OPN3: variants seen among roughly 807,000 people sequenced by gnomAD.
The protein encoded by OPN3 is opsin 3.
In OPN3, 29 loss-of-function variants were observed where a neutral mutation model predicts 33.8. That is an observed-to-expected ratio of 0.86 (90% CI 0.64 to 1.17). The LOEUF is 1.17. Ranked by LOEUF, OPN3 falls within the 50% of genes most tolerant of loss-of-function variation. OPN3 has a pLI of 0.00. For synonymous variants in OPN3, 216 were observed against 216.1 expected, an observed-to-expected ratio of 1.00 and a Z score of 0.00; for missense variants, 437 against 514.1, an observed-to-expected ratio of 0.85 and a Z score of 1.45.
intron 1 of OPN3, among the ~76,000 whole-genome samples, chr1:241,620,647 T>C (rs1276514512): frequency 6.6e-6 from 1 of 152,248 alleles, no homozygotes; most frequent in Non-Finnish European, 1.5e-5. Context: ...CACTTTAGGG[T>C]ATTTTGTTAT....
chr1:241,634,518 G>A (rs777886665), intron 1 of OPN3: 10 of 1,613,630 alleles, frequency 6.2e-6, no homozygotes, highest in African/African-American at 4.0e-5. Flanking sequence ...GCTTTACATC[G>A]TCCAGATTCT....
chr1:241,639,982 G>C lies in OPN3; in HGVS notation c.273C>G (p.Ser91=), dbSNP rs781302705. ...VNISLSDLLV[S]LFGVTFTFVS... ...CGAAGGTAAAGGTGACCCCGAAGAG[G>C]GACACCAGCAGGTCGCTGAGGCTGA... is the stretch of plus-strand genomic sequence containing the variant. The change falls in exon 1 of 4, where the codon TCC becomes TCG. Residue 91 remains serine, a synonymous_variant. Coordinates refer to ENST00000366554, the MANE Select transcript of OPN3 (RefSeq NM_014322.3). The C allele has an allele frequency of 2.5e-6, 4 of 1,612,572 alleles. No individual in the cohort carries two copies. The highest frequency in any genetic ancestry group is 3.4e-6 in the Non-Finnish European group (4 of 1,179,432).
intron 1 of OPN3, among the ~76,000 whole-genome samples, chr1:241,627,922 C>T (rs1318809890): frequency 1.3e-5 from 2 of 152,112 alleles, no homozygotes; most frequent in Non-Finnish European, 2.9e-5. Context: ...TTTCTTTATA[C>T]TTCCTCTCCC....
chr1:241,612,252 A>G (rs997088865), intron 1 of OPN3, among the ~76,000 whole-genome samples: 13 of 152,220 alleles, frequency 8.5e-5, no homozygotes, highest in African/African-American at 2.9e-4. Context: ...TGTGGTCTTC[A>G]GAGTTGGCTG....
In OPN3 at chr1:241,634,259, T is replaced by G. The variant is rs750858068; in HGVS notation, c.373+5623A>C. On this transcript the variant is annotated intron_variant, in intron 1 of 3. Coordinates refer to ENST00000366554, the MANE Select transcript of OPN3 (RefSeq NM_014322.3). ...TGTCAAATGTACCAGATAGGTGTCCTTCATGCATGTCATGGTTGAAGAACA... is the reference window on the plus strand; with the variant it reads ...TGTCAAATGTACCAGATAGGTGTCCGTCATGCATGTCATGGTTGAAGAACA... The G allele has an allele frequency of 6.2e-7, 1 of 1,614,004 alleles. No individual in the cohort carries two copies. Among genetic ancestry groups the G allele is most frequent in the East Asian group, 2.2e-5 (1 of 44,882 alleles).
At chr1:241,612,693 T>C (rs74150335) in intron 1 of OPN3, among the ~76,000 whole-genome samples, 5,546 of 152,222 alleles carry the variant, frequency 0.036, 320 homozygotes, top group African/African-American at 0.13. Flanking sequence ...GAACATTATA[T>C]AATGTTAAGT....
chr1:241,594,620 T>C lies in OPN3; in HGVS notation c.1017A>G (p.Pro339=). 1 of 1,614,122 alleles carries C rather than the reference T, an allele frequency of 6.2e-7. No individual in the cohort carries two copies. The highest frequency in any genetic ancestry group is 1.7e-4 in the Middle Eastern group (1 of 6,060). Residue 339 remains proline (P), a synonymous_variant, in exon 4 of 4, where the codon CCA becomes CCG. Coordinates refer to ENST00000366554, the MANE Select transcript of OPN3 (RefSeq NM_014322.3). ...TGATCTGCATTTCACTTCCAGCTGC[T>C]GGTAGGTCTTTAGCAGGCCTCTGGC... is the stretch of plus-strand genomic sequence containing the variant. ...LRCQRPAKDL[P]AAGSEMQIRP...
intron 1 of OPN3, among the ~76,000 whole-genome samples, chr1:241,613,649 C>A (rs1295666416): frequency 6.6e-6 from 1 of 152,072 alleles, no homozygotes; most frequent in East Asian, 1.9e-4. Flanking sequence ...TAATATCTCT[C>A]AGCTGTTAGA....
In OPN3 at chr1:241,640,349, C is replaced by G. The variant is rs1201771575; in HGVS notation, c.-95G>C. The stretch of plus-strand genomic sequence containing the variant: ...CTGGGTGGGGTTGGGGCTCCGCCGC[C>G]TGCTCTAGCCATTGTGCACTGAGGG... On this transcript the variant is annotated 5_prime_UTR_variant, in exon 1 of 4. Coordinates refer to ENST00000366554, the MANE Select transcript of OPN3 (RefSeq NM_014322.3). The G allele has an allele frequency of 2.8e-6, 3 of 1,061,454 alleles. No homozygotes were observed. The African/African-American group carries it at 5.1e-5, about 18-fold the overall frequency. The allele number at this position is 1,061,454 out of a possible 1,614,324, so 65.8% of individuals were successfully genotyped here.
intron 1 of OPN3, among the ~76,000 whole-genome samples, chr1:241,638,943 AAT>A (rs1249543440): frequency 1.3e-5 from 2 of 152,228 alleles, no homozygotes; most frequent in Non-Finnish European, 2.9e-5. Flanking sequence ...AGCCTTGAGA[AAT>A]ACACATTTCT....
At chr1:241,617,066 C>A (rs544751870) in intron 1 of OPN3, among the ~76,000 whole-genome samples, 1 of 152,116 alleles carries the variant, frequency 6.6e-6, no homozygotes, top group African/African-American at 2.4e-5. Flanking sequence ...TTTCAAAGTA[C>A]TTTTTAATGT....
At chr1:241,630,616 G>C (rs936199529) in intron 1 of OPN3, 1 of 151,934 alleles carries the variant, frequency 6.6e-6, no homozygotes, top group African/African-American at 2.4e-5. Context: ...TTATTGCAAT[G>C]ACAGGTCTCT....
At chr1:241,633,161 C>G (rs1336775641) in intron 1 of OPN3, 1 of 152,160 alleles carries the variant, frequency 6.6e-6, no homozygotes, top group Admixed American at 6.5e-5. Flanking sequence ...GCATCATTGC[C>G]TCATCAGTTA....
chr1:241,622,469 A>T (rs1484205501), intron 1 of OPN3, among the ~76,000 whole-genome samples: 1 of 152,176 alleles, frequency 6.6e-6, no homozygotes, highest in African/African-American at 2.4e-5. Context: ...ATTCCCTCTT[A>T]TTTATGTCAC....
At chr1:241,617,548 G>A (rs781580034) in intron 1 of OPN3, among the ~76,000 whole-genome samples, 8 of 152,204 alleles carry the variant, frequency 5.3e-5, no homozygotes, top group Non-Finnish European at 1.2e-4. Flanking sequence ...GGAGCTCAGG[G>A]TTTAGGTTTT....
chr1:241,614,728 C>T (rs1380727266), intron 1 of OPN3, among the ~76,000 whole-genome samples: 1 of 152,276 alleles, frequency 6.6e-6, no homozygotes, highest in Non-Finnish European at 1.5e-5. Context: ...TTAGGCTTTT[C>T]TGCCTACAGT....
At chr1:241,619,193 C>T (rs2148012194) in intron 1 of OPN3, among the ~76,000 whole-genome samples, 1 of 152,240 alleles carries the variant, frequency 6.6e-6, no homozygotes, top group East Asian at 1.9e-4. Flanking sequence ...TTGCCTTTGT[C>T]CCCATCTGCT....
intron 1 of OPN3, among the ~76,000 whole-genome samples, chr1:241,611,501 A>G (rs970930086): frequency 6.6e-6 from 1 of 152,044 alleles, no homozygotes; most frequent in South Asian, 2.1e-4. Context: ...GCCAAAAAAA[A>G]AAAAAAAAAA....
Position 241,597,910 on chromosome 1 carries a change from T to C in OPN3, c.781A>G (p.Ile261Val). The C allele has an allele frequency of 6.2e-7, 1 of 1,613,716 alleles. No homozygotes were observed. Among genetic ancestry groups the C allele is most frequent in the Non-Finnish European group, 8.5e-7 (1 of 1,179,956 alleles). Residue 261 changes from isoleucine to valine, a missense_variant, in exon 3 of 4, where the codon ATA (isoleucine) becomes GTA (valine). Physicochemically the swap from Ile to Val is conservative, Grantham distance 29. Transcript: ENST00000366554. The part of the protein sequence containing the change: ...KKLAKMCFLM[I>V]FTFLVCWMPY... Reference sequence around the variant, plus strand: ...ATCCAACAGACCAGGAAGGTGAATATCATTAAAAAGCACATTTTGGCCAGT... The same window carrying C: ...ATCCAACAGACCAGGAAGGTGAATACCATTAAAAAGCACATTTTGGCCAGT...
Sources: allele counts gnomAD v4.1 joint callset (sites outside exome capture counted in the v4.1 genomes callset), GRCh38; gene constraint gnomAD v4.1.1; transcripts MANE v1.5; gene names NCBI Gene and HGNC (gene_info 2026-07-23, HGNC 2026-07-21).